The following NOX4 variants were observed in gnomAD, a reference collection of about 807,000 sequenced individuals.
NOX4 encodes kidney oxidase-1.
A neutral mutation model predicts 87.6 loss-of-function variants in NOX4; 69 were observed. The ratio of observed to expected loss-of-function variants is 0.79; its 90% CI spans 0.65 to 0.96. The LOEUF (loss-of-function observed/expected upper bound fraction) is 0.96. Ranked by LOEUF, NOX4 falls within the 40% of genes least tolerant of loss-of-function variation. NOX4 has a pLI of 0.00. For missense variants in NOX4, 680 were observed against 681.5 expected (o/e 1.00, Z 0.02); for synonymous variants, 275 against 238.2 (o/e 1.15, Z -1.42).
At chr11:89,438,911 TAATATAA>T (rs1338614674) in intron 6 of NOX4, among the ~76,000 whole-genome samples, 3 of 58,440 alleles carry the variant, frequency 5.1e-5, no homozygotes, top group African/African-American at 1.9e-4. Context: ...ATATAATATA[TAATATAA>T]AATATATATA....
At chr11:89,445,354 C>CA (rs1392881495) in intron 4 of NOX4, among the ~76,000 whole-genome samples, 1 of 151,616 alleles carries the variant, frequency 6.6e-6, no homozygotes, top group African/African-American at 2.4e-5. Context: ...CACACACACA[C>CA]ACAAAAATAA....
At chr11:89,488,931 G>T in intron 2 of NOX4, 1 of 683,928 alleles carries the variant, frequency 1.5e-6, no homozygotes, top group Non-Finnish European at 2.6e-6. Context: ...AGCAACTTGA[G>T]GGGCGAGGTG....
the NOX4 span, among the ~76,000 whole-genome samples, chr11:89,579,999 C>CA: frequency 6.6e-6 from 1 of 151,480 alleles, no homozygotes; most frequent in Non-Finnish European, 1.5e-5. Flanking sequence ...ATCACATATT[C>CA]AAAAAACGCT....
the NOX4 span, among the ~76,000 whole-genome samples, chr11:89,584,849 T>G: frequency 1.3e-5 from 2 of 152,112 alleles, no homozygotes; most frequent in African/African-American, 4.8e-5. Context: ...CACTCATCTA[T>G]CTATCTAGAT....
At chr11:89,500,620 G>A (rs1947006871), upstream of NOX4, among the ~76,000 whole-genome samples, 1 of 152,036 alleles carries the variant, frequency 6.6e-6, no homozygotes, top group Admixed American at 6.6e-5. Flanking sequence ...CTTTTACAAA[G>A]GAAATTTCTT....
rs75558399 is a variant in NOX4, at chr11:89,467,737, A to T, written c.154-15842T>A. Among the ~76,000 whole-genome samples the T allele has an allele frequency of 6.6e-3, 1,006 of 152,306 alleles. 10 individuals are homozygous for T. Among genetic ancestry groups the T allele is most frequent in the African/African-American group, 0.023 (967 of 41,568 alleles). On this transcript the variant is annotated intron_variant, in intron 2 of 17. Transcript: ENST00000263317. ...GCCTTAAGGGTGAGGATTTCAACATATGAATTTTGGGGGGACACAAATATT... is the reference window on the plus strand; with the variant it reads ...GCCTTAAGGGTGAGGATTTCAACATTTGAATTTTGGGGGGACACAAATATT...
chr11:89,389,546 C>T (rs1940974180), intron 11 of NOX4, among the ~76,000 whole-genome samples: 1 of 152,122 alleles, frequency 6.6e-6, no homozygotes, highest in Non-Finnish European at 1.5e-5. Context: ...CAAATTTCAC[C>T]ACTTCACAAT....
At chr11:89,357,779 T>C (rs1401493482) in intron 12 of NOX4, among the ~76,000 whole-genome samples, 1 of 152,132 alleles carries the variant, frequency 6.6e-6, no homozygotes. Context: ...ACAACTATAA[T>C]ATAATACATC....
chr11:89,390,885 A>G (rs1162247796), intron 11 of NOX4, among the ~76,000 whole-genome samples: 2 of 152,126 alleles, frequency 1.3e-5, no homozygotes, highest in Admixed American at 6.6e-5. Flanking sequence ...TAAATACTCT[A>G]TTCTGACTCA....
chr11:89,355,374 T>C (rs1937961449), intron 12 of NOX4, among the ~76,000 whole-genome samples: 2 of 148,638 alleles, frequency 1.3e-5, no homozygotes, highest in South Asian at 4.2e-4. Context: ...ATATTTGAAA[T>C]AGTTATATTT....
rs117653904 is a variant in NOX4 at position 89,468,846 on chromosome 11, C to G, written c.154-16951G>C. ...TGCAGCCTGGAGCTCCTGGGCTTAG[C>G]TGATTCTCCCACCTCAGCCTCTAGA... On this transcript the variant is annotated intron_variant, in intron 2 of 17. Coordinates refer to ENST00000263317, the MANE Select transcript of NOX4 (RefSeq NM_016931.5). Among the ~76,000 whole-genome samples, 335 of 152,222 alleles carry G rather than the reference C, an allele frequency of 2.2e-3. 8 individuals carry two copies. The East Asian group carries it at 0.051, about 23-fold the overall frequency.
intron 2 of NOX4, among the ~76,000 whole-genome samples, chr11:89,477,827 C>A (rs1315709638): frequency 6.6e-6 from 1 of 152,024 alleles, no homozygotes; most frequent in East Asian, 1.9e-4. Flanking sequence ...AAACCACAGC[C>A]AATTGGAAAA....
At chr11:89,468,075 G>A (rs1945782207) in intron 2 of NOX4, among the ~76,000 whole-genome samples, 1 of 152,150 alleles carries the variant, frequency 6.6e-6, no homozygotes, top group Non-Finnish European at 1.5e-5. Context: ...AAAGGGCCTA[G>A]CTCATACTGT....
chr11:89,554,407 A>G, the NOX4 span, among the ~76,000 whole-genome samples: 1 of 152,144 alleles, frequency 6.6e-6, no homozygotes, highest in Admixed American at 6.6e-5. Context: ...TTTCAGCTGC[A>G]TAATATGCTT....
chr11:89,464,566 C>A (rs1465170491), intron 2 of NOX4, among the ~76,000 whole-genome samples: 2 of 152,104 alleles, frequency 1.3e-5, no homozygotes, highest in Non-Finnish European at 2.9e-5. Context: ...TCAGTTACTT[C>A]AGGTGTTTAT....
chr11:89,440,279 T>C (rs563508792), intron 6 of NOX4, among the ~76,000 whole-genome samples: 1 of 152,290 alleles, frequency 6.6e-6, no homozygotes, highest in Admixed American at 6.5e-5. Context: ...ATATATCTAA[T>C]TGTTGTGTAA....
intron 2 of NOX4, among the ~76,000 whole-genome samples, chr11:89,480,039 G>A (rs1432726882): frequency 3.3e-5 from 5 of 152,096 alleles, no homozygotes; most frequent in Non-Finnish European, 4.4e-5. Flanking sequence ...TAGTATATGC[G>A]GGTTTCATAT....
the NOX4 span, among the ~76,000 whole-genome samples, chr11:89,538,496 A>G: frequency 6.6e-6 from 1 of 152,342 alleles, no homozygotes; most frequent in East Asian, 1.9e-4. Flanking sequence ...TGGAGGCAAC[A>G]TGTTAACAGC....
At chr11:89,434,607 G>C (rs570569074) in intron 6 of NOX4, among the ~76,000 whole-genome samples, 1 of 151,060 alleles carries the variant, frequency 6.6e-6, no homozygotes, top group East Asian at 2.0e-4. Flanking sequence ...GCACTTCCAA[G>C]TGTTTACCCA....
Sources: allele counts gnomAD v4.1 joint callset (sites outside exome capture counted in the v4.1 genomes callset), GRCh38; gene constraint gnomAD v4.1.1; transcripts MANE v1.5; gene names NCBI Gene and HGNC (gene_info 2026-07-23, HGNC 2026-07-21).